The following GCFC2 variants were observed in gnomAD, a reference collection of about 807,000 sequenced individuals.
The protein encoded by GCFC2 is intron Large complex component GCFC2.
Under a neutral mutation model 99.4 loss-of-function variants are expected in GCFC2, and 102 were observed. The ratio of observed to expected loss-of-function variants is 1.03; its 90% CI spans 0.87 to 1.21. The LOEUF is 1.21. Ranked by LOEUF, GCFC2 falls within the 50% of genes most tolerant of loss-of-function variation. The pLI, the probability that GCFC2 is intolerant of heterozygous loss-of-function variation, is 0.00. For missense variants in GCFC2, 973 were observed against 920.9 expected (o/e 1.06, Z -0.73); for synonymous variants, 338 against 316.8 (o/e 1.07, Z -0.71).
intron 10 of GCFC2, among the ~76,000 whole-genome samples, 174 bp downstream of exon 10, chr2:75,688,852 A>C (rs1023887942): frequency 6.6e-6 from 1 of 152,186 alleles, no homozygotes; most frequent in South Asian, 2.1e-4. Context: ...AAATCAAGTG[A>C]CAGCCAAGAA....
chr2:75,675,854 G>GA (rs1679314131), intron 12 of GCFC2, among the ~76,000 whole-genome samples: 1 of 151,974 alleles, frequency 6.6e-6, no homozygotes, highest in African/African-American at 2.4e-5. Context: ...TTGTTTGATG[G>GA]AAAATAAGGT....
At chr2:75,686,897 G>A (rs1229131981) in intron 11 of GCFC2, among the ~76,000 whole-genome samples, 1 of 151,922 alleles carries the variant, frequency 6.6e-6, no homozygotes, top group East Asian at 1.9e-4. Flanking sequence ...AATGTTAAGT[G>A]CTCATAGCTG....
chr2:75,683,941 G>A (rs147688832), intron 11 of GCFC2, among the ~76,000 whole-genome samples: 293 of 152,158 alleles, frequency 1.9e-3, no homozygotes, highest in African/African-American at 6.3e-3. Flanking sequence ...AAATAAATAC[G>A]CACCCAATAC....
At chr2:75,704,799 C>T (rs147594795) in intron 2 of GCFC2, among the ~76,000 whole-genome samples, 60 of 152,298 alleles carry the variant, frequency 3.9e-4, no homozygotes, top group African/African-American at 1.3e-3. Flanking sequence ...ATTCTTTTGC[C>T]TCAGTCCCCT....
chr2:75,709,404 C>T (rs1681015970), intron 1 of GCFC2, among the ~76,000 whole-genome samples: 1 of 152,108 alleles, frequency 6.6e-6, no homozygotes. Context: ...CAAGAAATCA[C>T]GAAGATCATA....
chr2:75,701,011 C>G (rs373654005), intron 4 of GCFC2, among the ~76,000 whole-genome samples, 179 bp downstream of exon 4: 1 of 152,232 alleles, frequency 6.6e-6, no homozygotes, highest in South Asian at 2.1e-4. Flanking sequence ...GAAGAATTAC[C>G]GCTCCCCACA....
chr2:75,687,514 G>C (rs189653038), intron 11 of GCFC2, among the ~76,000 whole-genome samples: 233 of 152,236 alleles, frequency 1.5e-3, no homozygotes, highest in Middle Eastern at 3.4e-3. Context: ...AGGAAACTAA[G>C]AGTGTGGTAT....
chr2:75,680,639 C>T (rs567970752), intron 11 of GCFC2, among the ~76,000 whole-genome samples: 15 of 152,286 alleles, frequency 9.8e-5, no homozygotes, highest in African/African-American at 3.6e-4. Context: ...GAGCCTCTCT[C>T]TCTCTCTGTC....
At chr2:75,664,880 A>G (rs1237704000) in intron 16 of GCFC2, 97 bp from the exon 17 acceptor site, 1 of 674,824 alleles carries the variant, frequency 1.5e-6, no homozygotes, top group Non-Finnish European at 2.6e-6. Flanking sequence ...TCTAAAACAA[A>G]AGCTTTACCT....
At chr2:75,682,431 C>T (rs1489255260) in intron 11 of GCFC2, among the ~76,000 whole-genome samples, 1 of 151,742 alleles carries the variant, frequency 6.6e-6, no homozygotes, top group East Asian at 1.9e-4. Flanking sequence ...CCTAAGAGAC[C>T]CCATCTGAAG....
At chr2:75,700,640 T>C (rs1680543769) in intron 4 of GCFC2, among the ~76,000 whole-genome samples, 1 of 152,208 alleles carries the variant, frequency 6.6e-6, no homozygotes. Context: ...TGTCAATTAC[T>C]ATAAAATTAA....
intron 8 of GCFC2, chr2:75,690,413 C>A (rs1219627959): frequency 3.9e-6 from 2 of 514,340 alleles, no homozygotes; most frequent in Non-Finnish European, 6.8e-6. Flanking sequence ...GAATTCCCAG[C>A]CTGATAAATG....
chr2:75,706,394 G>T, intron 2 of GCFC2, 129 bp downstream of exon 2: 1 of 610,534 alleles, frequency 1.6e-6, no homozygotes, highest in Non-Finnish European at 2.8e-6. Flanking sequence ...AGCAATTTTG[G>T]CACTCTGACA....
chr2:75,695,707 G>A (rs1031374901), intron 5 of GCFC2, among the ~76,000 whole-genome samples: 4 of 152,170 alleles, frequency 2.6e-5, no homozygotes, highest in East Asian at 1.9e-4. Context: ...GCACTGTGGG[G>A]CAATTATTAA....
intron 16 of GCFC2, 50 bp from the exon 17 acceptor site, chr2:75,664,833 A>AC: frequency 1.2e-6 from 1 of 835,074 alleles, no homozygotes; most frequent in East Asian, 2.4e-5. Flanking sequence ...GTATGAGGGA[A>AC]CAGCGGTCAA....
intron 11 of GCFC2, among the ~76,000 whole-genome samples, chr2:75,681,031 C>T (rs1360639304): frequency 1.3e-5 from 2 of 152,184 alleles, no homozygotes; most frequent in African/African-American, 4.8e-5. Flanking sequence ...AGAACACTGT[C>T]CTTCCACTTT....
chr2:75,702,894 C>T lies in GCFC2; in HGVS notation c.395-471G>A, dbSNP rs111572167. ...CACTATGATGTCCTCCTTCCTCCTT[C>T]CCTCCTACCCACACTTACAAGAAAT... is the stretch of plus-strand genomic sequence containing the variant. On this transcript the variant is annotated intron_variant, in intron 2 of 16. Transcript: ENST00000321027. Among the ~76,000 whole-genome samples, 179 of 152,290 alleles carry T rather than the reference C, an allele frequency of 1.2e-3. 1 individual carries two copies. Among genetic ancestry groups the T allele is most frequent in the Non-Finnish European group, 2.0e-3 (134 of 68,024 alleles).
In GCFC2 at chr2:75,669,108, GGTTA is replaced by G. The variant is rs1240943469; in HGVS notation, c.2103+1026_2103+1029del. ...TATTAATTATTTTCACATATTTTAA[GGTTA>G]GTTTTACATATCCTTTTAGGTGACT... On this transcript the variant is annotated intron_variant, in intron 15 of 16. Transcript: ENST00000321027. Among the ~76,000 whole-genome samples, 9 of 152,180 alleles carry G rather than the reference GGTTA, an allele frequency of 5.9e-5. No homozygotes were observed. In the East Asian group the frequency reaches 9.7e-4, roughly 16 times the overall value.
chr2:75,666,050 C>G lies in GCFC2; in HGVS notation c.2107G>C (p.Ala703Pro). ...PDVVKKCNQV[A>P]ACLPEKWFEN... ...AACCATTTTTCTGGTAGACATGCTGCTACCTGTTAATCAAAACACATGGCT... is the reference window on the plus strand; with the variant it reads ...AACCATTTTTCTGGTAGACATGCTGGTACCTGTTAATCAAAACACATGGCT... The change falls in exon 16 of 17, where the codon GCA becomes CCA. Residue 703 changes from alanine to proline, a missense_variant. Transcript: ENST00000321027. 1 of 1,601,982 alleles carries G rather than the reference C, an allele frequency of 6.2e-7. No homozygotes were observed. Among genetic ancestry groups the G allele is most frequent in the Non-Finnish European group, 8.5e-7 (1 of 1,174,098 alleles).
Sources: allele counts gnomAD v4.1 joint callset (sites outside exome capture counted in the v4.1 genomes callset), GRCh38; gene constraint gnomAD v4.1.1; transcripts MANE v1.5; gene names NCBI Gene and HGNC (gene_info 2026-07-23, HGNC 2026-07-21).